CHAT: variants seen among roughly 807,000 people sequenced by gnomAD.
CHAT encodes choline O-acetyltransferase.
A neutral mutation model predicts 76.9 loss-of-function variants in CHAT; 61 were observed. The observed-to-expected ratio is 0.79, with a 90% CI of 0.65 to 0.98. The LOEUF (loss-of-function observed/expected upper bound fraction) is 0.98. Ranked by LOEUF, CHAT falls within the 50% of genes least tolerant of loss-of-function variation. The pLI, the probability that CHAT is intolerant of heterozygous loss-of-function variation, is 0.00. For missense variants in CHAT, 946 were observed against 986.9 expected (o/e 0.96, Z 0.56); for synonymous variants, 407 against 397.4 (o/e 1.02, Z -0.29).
chr10:49,627,467 A>T, intron 6 of CHAT, 141 bp from the exon 7 acceptor site: 1 of 881,362 alleles, frequency 1.1e-6, no homozygotes, highest in Non-Finnish European at 1.9e-6. Context: ...CTTGGTCCCT[A>T]AACTGAGACT....
In CHAT at chr10:49,622,851, G is replaced by A. The variant is rs532690620; in HGVS notation, c.752+701G>A. On this transcript the variant is annotated intron_variant, in intron 5 of 14. Transcript: ENST00000337653. ...TAACTCATCCATGGTTACACAGCCA[G>A]GTGGTGGCAGAGCAAGGAGGGGGCA... Among the ~76,000 whole-genome samples the A allele has an allele frequency of 1.4e-4, 21 of 152,334 alleles. 1 individual carries two copies. Among genetic ancestry groups the A allele is most frequent in the African/African-American group, 5.1e-4 (21 of 41,572 alleles).
intron 2 of CHAT, 68 bp downstream of exon 2, chr10:49,616,670 GT>G: frequency 8.9e-7 from 1 of 1,121,830 alleles, no homozygotes; most frequent in Non-Finnish European, 1.3e-6. Context: ...TTCTAGAACA[GT>G]CCTGAGTGGG....
chr10:49,638,541 AT>A (rs1371592087), intron 7 of CHAT, among the ~76,000 whole-genome samples: 5 of 152,128 alleles, frequency 3.3e-5, no homozygotes, highest in African/African-American at 4.8e-5. Context: ...TTACCCGAAC[AT>A]TTTTTAGAAT....
Position 49,647,110 on chromosome 10 carries a change from T to G in CHAT, c.1281+436T>G, listed in dbSNP as rs1839697708. 5 of 216,718 alleles carry G rather than the reference T, an allele frequency of 2.3e-5. No individual in the cohort carries two copies. In the South Asian group the frequency reaches 4.1e-4, roughly 18 times the overall value. 13.4% of individuals were successfully genotyped at this position (216,718 alleles called of 1,614,324 possible). On this transcript the variant is annotated intron_variant, in intron 8 of 14. Coordinates refer to ENST00000337653, the MANE Select transcript of CHAT (RefSeq NM_020549.5). ...TCTGATGCCCAGAGCTGTCAGCTTT[T>G]TGGATGTCCACCCCCGTGGCCTGGC...
chr10:49,649,633 A>T lies in CHAT; in HGVS notation c.1508A>T (p.Gln503Leu). Reference protein sequence around the residue: ...GHLASSAEKLQRIVKNLDFIV... With the variant: ...GHLASSAEKLLRIVKNLDFIV... ...TTAGCCTCCTCGGCAGAAAAACTTC[A>T]ACGGTAAGGATAACCGAAGTCTCCT... The change falls in exon 10 of 15, where the codon CAA becomes CTA. Residue 503 changes from glutamine (Q) to leucine (L), a missense_variant. Coordinates refer to ENST00000337653, the MANE Select transcript of CHAT (RefSeq NM_020549.5). The T allele has an allele frequency of 6.2e-7, 1 of 1,613,668 alleles. No individual in the cohort carries two copies. Among genetic ancestry groups the T allele is most frequent in the Non-Finnish European group, 8.5e-7 (1 of 1,180,004 alleles).
chr10:49,664,714 C>A (rs1284435556), intron 14 of CHAT, 63 bp from the exon 15 acceptor site: 3 of 1,605,310 alleles, frequency 1.9e-6, no homozygotes, highest in Non-Finnish European at 2.6e-6. Flanking sequence ...AGAAGCCAAG[C>A]CCAGTCGAGG....
chr10:49,609,471 C>G (rs1391435250), upstream of CHAT, among the ~76,000 whole-genome samples: 1 of 143,770 alleles, frequency 7.0e-6, no homozygotes, highest in Non-Finnish European at 1.5e-5. Flanking sequence ...GGTGCGGCGG[C>G]GGGGAGAGAA....
At chr10:49,652,857 G>A (rs184245025) in intron 11 of CHAT, among the ~76,000 whole-genome samples, 349 of 151,776 alleles carry the variant, frequency 2.3e-3, no homozygotes, top group Middle Eastern at 6.8e-3. Flanking sequence ...GTGGGCTCAG[G>A]GTCACCACCC....
chr10:49,615,326 C>T (rs1838449281), intron 1 of CHAT, among the ~76,000 whole-genome samples: 1 of 152,258 alleles, frequency 6.6e-6, no homozygotes, highest in African/African-American at 2.4e-5. Context: ...GGGGCAGCCC[C>T]TACGAACCCA....
intron 5 of CHAT, among the ~76,000 whole-genome samples, chr10:49,624,876 T>A (rs946374165): frequency 6.7e-6 from 1 of 150,362 alleles, no homozygotes; most frequent in African/African-American, 2.5e-5. Context: ...TGGATAGATG[T>A]GTGGATGGTG....
intron 7 of CHAT, among the ~76,000 whole-genome samples, chr10:49,641,322 G>A (rs146937008): frequency 2.6e-5 from 4 of 152,298 alleles, no homozygotes; most frequent in Admixed American, 1.3e-4. Context: ...CTTGGGTCCT[G>A]AGGTCCCTGG....
At chr10:49,610,002 G>A (rs1044207343), upstream of CHAT, among the ~76,000 whole-genome samples, 3 of 151,936 alleles carry the variant, frequency 2.0e-5, no homozygotes, top group African/African-American at 7.2e-5. Flanking sequence ...CGCTGACCCC[G>A]CGAGTCCTAG....
In CHAT at chr10:49,625,663, C is replaced by A; in HGVS notation, c.933+10C>A. The stretch of plus-strand genomic sequence containing the variant: ...AGCCTGCTGCAATCAGGTAAGCAAC[C>A]CCTTGTCTTGGTGAGGGAGGGCACA... On this transcript the variant is annotated intron_variant, in intron 6 of 14. Transcript: ENST00000337653. The A allele has an allele frequency of 6.4e-7, 1 of 1,559,764 alleles. No homozygotes were observed.
intron 4 of CHAT, among the ~76,000 whole-genome samples, chr10:49,621,606 C>T (rs1023820053): frequency 6.6e-6 from 1 of 152,104 alleles, no homozygotes; most frequent in African/African-American, 2.4e-5. Context: ...AAATTTTCCA[C>T]AAGGCCAGGG....
intron 8 of CHAT, chr10:49,647,280 G>T (rs1007636445): frequency 6.4e-6 from 1 of 156,304 alleles, no homozygotes; most frequent in African/African-American, 2.4e-5. Flanking sequence ...CTTTGACCTA[G>T]AGAAAAATAC....
At chr10:49,611,790 G>T (rs140704279), upstream of CHAT, 1 of 1,603,002 alleles carries the variant, frequency 6.2e-7, no homozygotes, top group African/African-American at 1.3e-5. Flanking sequence ...GCCTGGCGGC[G>T]CGCTACCCAC....
intron 7 of CHAT, among the ~76,000 whole-genome samples, chr10:49,635,349 G>A (rs1410731446): frequency 1.3e-5 from 2 of 152,112 alleles, no homozygotes; most frequent in African/African-American, 2.4e-5. Context: ...AAGGACATCC[G>A]GGTTGTTTCC....
intron 4 of CHAT, among the ~76,000 whole-genome samples, chr10:49,621,185 G>A (rs968454045): frequency 6.6e-6 from 1 of 152,196 alleles, no homozygotes; most frequent in Non-Finnish European, 1.5e-5. Context: ...TCAGAGTCTG[G>A]TCTTAAGACC....
chr10:49,611,385 C>T, upstream of CHAT: 6 of 1,599,082 alleles, frequency 3.8e-6, no homozygotes, highest in Non-Finnish European at 5.1e-6. Flanking sequence ...GTGCACTGGG[C>T]GTGGCGCTGG....
Sources: allele counts gnomAD v4.1 joint callset (sites outside exome capture counted in the v4.1 genomes callset), GRCh38; gene constraint gnomAD v4.1.1; transcripts MANE v1.5; gene names NCBI Gene and HGNC (gene_info 2026-07-23, HGNC 2026-07-21).